Variants in IGSF11 observed in about 807,000 individuals in gnomAD.
The protein encoded by IGSF11 is immunoglobulin superfamily member 11.
Under a neutral mutation model 41.0 loss-of-function variants are expected in IGSF11, and 22 were observed. The observed-to-expected ratio is 0.54, with a 90% CI of 0.38 to 0.77. IGSF11 has a LOEUF of 0.77. Among genes scored for constraint, IGSF11 ranks in the 30% least tolerant of loss-of-function variants. IGSF11 has a pLI of 0.00. For missense variants in IGSF11, 444 were observed against 530.8 expected, an observed-to-expected ratio of 0.84 and a Z score of 1.61; for synonymous variants, 219 against 201.3, an observed-to-expected ratio of 1.09 and a Z score of -0.74.
intron 1 of IGSF11, among the ~76,000 whole-genome samples, chr3:119,123,773 G>A (rs114576847): frequency 0.047 from 7,196 of 152,220 alleles, 244 homozygotes; most frequent in Non-Finnish European, 0.072. Context: ...GTAGCACCTC[G>A]ATGACTCTAC....
At chr3:119,047,030 C>G (rs914215171) in intron 1 of IGSF11, among the ~76,000 whole-genome samples, 2 of 146,156 alleles carry the variant, frequency 1.4e-5, no homozygotes, top group Non-Finnish European at 3.0e-5. Flanking sequence ...CGGTACCAGC[C>G]GCTGCAAAAT....
chr3:119,066,202 T>C (rs1007974801), intron 1 of IGSF11, among the ~76,000 whole-genome samples: 1 of 152,212 alleles, frequency 6.6e-6, no homozygotes, highest in Admixed American at 6.5e-5. Context: ...AGGATGATCT[T>C]ATCTCAAAAT....
intron 1 of IGSF11, among the ~76,000 whole-genome samples, chr3:119,055,587 C>G (rs1036343852): frequency 2.0e-5 from 3 of 151,982 alleles, no homozygotes; most frequent in Admixed American, 1.3e-4. Flanking sequence ...ACAAGGATAC[C>G]CAGGAATTGA....
At chr3:119,070,602 T>C (rs1352799119) in intron 1 of IGSF11, among the ~76,000 whole-genome samples, 1 of 152,226 alleles carries the variant, frequency 6.6e-6, no homozygotes, top group Non-Finnish European at 1.5e-5. Flanking sequence ...TTTATGTACA[T>C]GTTTTTTTAT....
chr3:118,931,239 A>G (rs1453299196), intron 1 of IGSF11, among the ~76,000 whole-genome samples: 1 of 152,242 alleles, frequency 6.6e-6, no homozygotes, highest in East Asian at 1.9e-4. Flanking sequence ...AAAAATCAAC[A>G]GAAAATGTTC....
Position 118,927,016 on chromosome 3 carries a change from A to G in IGSF11, c.425-760T>C, listed in dbSNP as rs75052966. Among the ~76,000 whole-genome samples, 339 of 152,306 alleles carry G rather than the reference A, an allele frequency of 2.2e-3. 3 individuals are homozygous for G. Among genetic ancestry groups the G allele is most frequent in the African/African-American group, 8.0e-3 (331 of 41,558 alleles). On this transcript the variant is annotated intron_variant, in intron 3 of 6. Transcript: ENST00000393775. ...TGTAATGCTAATGACTTTTCAGTAA[A>G]TATGTTCACCCTTTCCAAAATGAAT...
upstream of IGSF11, among the ~76,000 whole-genome samples, chr3:119,109,395 C>G (rs544961379): frequency 1.3e-4 from 20 of 152,224 alleles, no homozygotes; most frequent in South Asian, 3.5e-3. Flanking sequence ...TTGTAGTATT[C>G]TCTGATGGTA....
chr3:119,110,681 A>G (rs1438030490), intron 1 of IGSF11, among the ~76,000 whole-genome samples: 1 of 152,078 alleles, frequency 6.6e-6, no homozygotes, highest in East Asian at 1.9e-4. Context: ...GTTTCTTCCT[A>G]GTCTTGATGG....
At chr3:118,969,756 T>C (rs1933163726) in intron 1 of IGSF11, among the ~76,000 whole-genome samples, 1 of 152,204 alleles carries the variant, frequency 6.6e-6, no homozygotes, top group African/African-American at 2.4e-5. Context: ...TTCCCCTTCC[T>C]CATGGGCGCA....
At chr3:118,904,874 G>C in intron 5 of IGSF11, 76 bp from the exon 6 acceptor site, 1 of 1,193,246 alleles carries the variant, frequency 8.4e-7, no homozygotes, top group Non-Finnish European at 1.2e-6. Flanking sequence ...ACTGTAATAA[G>C]CACATAAGCT....
At chr3:119,106,593 T>A (rs1396703432), upstream of IGSF11, among the ~76,000 whole-genome samples, 4 of 152,182 alleles carry the variant, frequency 2.6e-5, no homozygotes, top group Admixed American at 6.5e-5. Context: ...CATTTTTTTT[T>A]ATTATTATTA....
chr3:119,102,793 T>G (rs2076957825), intron 1 of IGSF11, among the ~76,000 whole-genome samples: 1 of 152,144 alleles, frequency 6.6e-6, no homozygotes, highest in African/African-American at 2.4e-5. Context: ...TAGTTTTCTT[T>G]CGGCTTCTTC....
chr3:119,109,471 C>A (rs1225779850), upstream of IGSF11, among the ~76,000 whole-genome samples: 4 of 151,978 alleles, frequency 2.6e-5, no homozygotes, highest in South Asian at 6.2e-4. Flanking sequence ...CTATTTGATT[C>A]TTCTCTCTTT....
At chr3:119,095,121 A>T (rs2076829091) in intron 1 of IGSF11, among the ~76,000 whole-genome samples, 1 of 152,214 alleles carries the variant, frequency 6.6e-6, no homozygotes, top group Admixed American at 6.5e-5. Flanking sequence ...AAAAACTCAA[A>T]CAAAGTTGGT....
intron 1 of IGSF11, among the ~76,000 whole-genome samples, chr3:119,046,668 G>C (rs528759255): frequency 2.0e-5 from 3 of 151,936 alleles, no homozygotes; most frequent in African/African-American, 7.3e-5. Flanking sequence ...TCCTCGAGAA[G>C]AGCAACTCCA....
At chr3:118,950,760 T>C (rs1007947241) in intron 1 of IGSF11, among the ~76,000 whole-genome samples, 3 of 152,220 alleles carry the variant, frequency 2.0e-5, no homozygotes, top group African/African-American at 7.2e-5. Context: ...TGAATTACTC[T>C]GTTCCCCTAT....
At chr3:119,067,337 G>A (rs776591842) in intron 1 of IGSF11, among the ~76,000 whole-genome samples, 10 of 145,616 alleles carry the variant, frequency 6.9e-5, no homozygotes, top group Non-Finnish European at 1.3e-4. Flanking sequence ...TTCTTCTGGA[G>A]ATCCTGGTGA....
At chr3:119,020,071 G>C in intron 1 of IGSF11, among the ~76,000 whole-genome samples, 1 of 152,268 alleles carries the variant, frequency 6.6e-6, no homozygotes, top group African/African-American at 2.4e-5. Flanking sequence ...GCTCTTGCTA[G>C]ACACTAAATC....
chr3:119,080,613 T>G (rs935668105), intron 1 of IGSF11, among the ~76,000 whole-genome samples: 6 of 152,198 alleles, frequency 3.9e-5, no homozygotes, highest in African/African-American at 1.4e-4. Flanking sequence ...TATGGAGATG[T>G]GAAGTTGATA....
Sources: gnomAD v4.1 joint callset for allele counts (sites outside exome capture counted in the v4.1 genomes callset) on GRCh38, gnomAD v4.1.1 for gene constraint, MANE v1.5 for transcripts, NCBI Gene and HGNC (gene_info 2026-07-23, HGNC 2026-07-21) for gene names.